The following BRD10 variants were observed in gnomAD, a reference collection of about 807,000 sequenced individuals.
BRD10 encodes the protein bromodomain containing 10.
chr9:5,992,811 T>C, the BRD10 span, among the ~76,000 whole-genome samples: 1 of 152,210 alleles, frequency 6.6e-6, no homozygotes, highest in South Asian at 2.1e-4. Flanking sequence ...TTAAAATTAT[T>C]ACAATAAGTC....
At chr9:5,968,177 T>C in the BRD10 span, 2 of 1,610,082 alleles carry the variant, frequency 1.2e-6, no homozygotes, top group Non-Finnish European at 1.7e-6. Flanking sequence ...TTTCTTTTTC[T>C]TCTTTTTTGC....
chr9:6,001,005 A>C, the BRD10 span, among the ~76,000 whole-genome samples: 1 of 152,244 alleles, frequency 6.6e-6, no homozygotes, highest in Admixed American at 6.5e-5. Flanking sequence ...CACTCTTATA[A>C]TTCTCAGCTG....
At chr9:5,945,617 A>G in the BRD10 span, among the ~76,000 whole-genome samples, 1 of 152,050 alleles carries the variant, frequency 6.6e-6, no homozygotes, top group African/African-American at 2.4e-5. Flanking sequence ...TGGCCAAAAT[A>G]ATTATTAATT....
chr9:5,886,124 G>A, the BRD10 span, among the ~76,000 whole-genome samples: 1 of 152,208 alleles, frequency 6.6e-6, no homozygotes, highest in Non-Finnish European at 1.5e-5. Flanking sequence ...GTGTGTGAGA[G>A]ATCAAAAGCT....
the BRD10 span, chr9:5,968,624 T>C: frequency 6.2e-7 from 1 of 1,613,826 alleles, no homozygotes; most frequent in African/African-American, 1.3e-5. Context: ...CTGCTCTTTC[T>C]TGAAGGAAGA....
At chr9:5,957,564 G>T in the BRD10 span, among the ~76,000 whole-genome samples, 1 of 152,032 alleles carries the variant, frequency 6.6e-6, no homozygotes, top group Admixed American at 6.5e-5. Context: ...GTGAAATTAG[G>T]TCTGTCTCAC....
the BRD10 span, among the ~76,000 whole-genome samples, chr9:5,957,820 A>C: frequency 1.3e-5 from 2 of 152,162 alleles, no homozygotes; most frequent in African/African-American, 2.4e-5. Context: ...AAAATCGAGC[A>C]TGAGATACTA....
chr9:5,943,453 A>C, the BRD10 span, among the ~76,000 whole-genome samples: 1 of 152,086 alleles, frequency 6.6e-6, no homozygotes, highest in Admixed American at 6.6e-5. Flanking sequence ...CCCTAAAAAC[A>C]ACCTCTGCAA....
chr9:5,954,252 G>A, the BRD10 span, among the ~76,000 whole-genome samples: 2 of 152,152 alleles, frequency 1.3e-5, no homozygotes, highest in African/African-American at 4.8e-5. Flanking sequence ...CCCAGTAAAA[G>A]CAAACATTAA....
At chr9:5,911,703 T>G in the BRD10 span, among the ~76,000 whole-genome samples, 1 of 151,774 alleles carries the variant, frequency 6.6e-6, no homozygotes, top group African/African-American at 2.4e-5. Flanking sequence ...CCCAGCTAAT[T>G]TTTGTATTTT....
the BRD10 span, among the ~76,000 whole-genome samples, chr9:5,905,827 C>CAG: frequency 6.6e-6 from 1 of 152,216 alleles, no homozygotes; most frequent in Non-Finnish European, 1.5e-5. Flanking sequence ...CCAACCACCT[C>CAG]AGGCACACTT....
the BRD10 span, chr9:5,899,173 T>C: frequency 1.3e-5 from 2 of 152,140 alleles, no homozygotes; most frequent in African/African-American, 4.8e-5. Flanking sequence ...GGTTGATGCA[T>C]AATGGAAAAA....
At chr9:5,953,697 T>C in the BRD10 span, among the ~76,000 whole-genome samples, 12 of 150,778 alleles carry the variant, frequency 8.0e-5, no homozygotes, top group Non-Finnish European at 1.2e-4. Flanking sequence ...TATATATACA[T>C]ACACACACAC....
At chr9:5,985,409 A>C in the BRD10 span, among the ~76,000 whole-genome samples, 2 of 152,206 alleles carry the variant, frequency 1.3e-5, no homozygotes. Flanking sequence ...AAACTTCTCC[A>C]AAAACACTGA....
At chr9:5,956,969 T>C in the BRD10 span, among the ~76,000 whole-genome samples, 1 of 151,732 alleles carries the variant, frequency 6.6e-6, no homozygotes, top group Non-Finnish European at 1.5e-5. Context: ...GTCTAGGGGG[T>C]AGGAAAAGGG....
chr9:5,895,719 G>A, the BRD10 span, among the ~76,000 whole-genome samples: 1 of 152,194 alleles, frequency 6.6e-6, no homozygotes, highest in South Asian at 2.1e-4. Flanking sequence ...GGAGTCCTAT[G>A]ATCTGCACCT....
At chr9:5,994,035 C>T in the BRD10 span, among the ~76,000 whole-genome samples, 1 of 152,270 alleles carries the variant, frequency 6.6e-6, no homozygotes, top group African/African-American at 2.4e-5. Flanking sequence ...CTACAACAGC[C>T]ATTAAAACCA....
At chr9:5,985,252 T>G in the BRD10 span, among the ~76,000 whole-genome samples, 7 of 152,254 alleles carry the variant, frequency 4.6e-5, no homozygotes, top group African/African-American at 1.7e-4. Flanking sequence ...ACACAAAAAT[T>G]AACTTCAAAA....
chr9:6,006,632 T>C, the BRD10 span, among the ~76,000 whole-genome samples: 1 of 152,194 alleles, frequency 6.6e-6, no homozygotes, highest in Non-Finnish European at 1.5e-5. Flanking sequence ...TTGCAAAAAT[T>C]GGGTGTCCTC....
Sources: gnomAD v4.1 joint callset for allele counts (sites outside exome capture counted in the v4.1 genomes callset) on GRCh38, gnomAD v4.1.1 for gene constraint, MANE v1.5 for transcripts, NCBI Gene and HGNC (gene_info 2026-07-23, HGNC 2026-07-21) for gene names.